Variants in NOMO2 observed in about 807,000 individuals in gnomAD.
The protein encoded by NOMO2 is NODAL modulator 2, also known as BOS complex subunit NOMO2.
In NOMO2, 14 loss-of-function variants were observed where a neutral mutation model predicts 67.1. That is an observed-to-expected ratio of 0.21 (90% CI 0.14 to 0.33). The LOEUF (loss-of-function observed/expected upper bound fraction) is 0.33, where lower values mean the gene tolerates loss of function less well. NOMO2 is among the 10% of genes least tolerant of loss of function. The probability of loss-of-function intolerance (pLI) is 1.00; values close to 1 mark genes in which losing one functional copy is unlikely to be tolerated. For missense variants in NOMO2, 178 were observed against 761.0 expected, an observed-to-expected ratio of 0.23 and a Z score of 9.01; for synonymous variants, 80 against 305.9, an observed-to-expected ratio of 0.26 and a Z score of 7.71.
chr16:18,548,416 A>C (rs976338757), intron 5 of NOMO2, among the ~76,000 whole-genome samples: 2 of 151,434 alleles, frequency 1.3e-5, no homozygotes, highest in Non-Finnish European at 2.9e-5. Context: ...ACTTACTGAC[A>C]GACTCATTAT....
At chr16:18,525,159 G>A (rs1264413795) in intron 16 of NOMO2, among the ~76,000 whole-genome samples, 1 of 148,162 alleles carries the variant, frequency 6.7e-6, no homozygotes, top group African/African-American at 2.5e-5. Flanking sequence ...ACAAAAACCT[G>A]AAATTAGCTA....
intron 13 of NOMO2, 79 bp downstream of exon 13, chr16:18,531,387 A>G: frequency 6.8e-6 from 11 of 1,611,750 alleles, no homozygotes; most frequent in Non-Finnish European, 9.3e-6. Flanking sequence ...CAAAGGCAAA[A>G]GGAAAAGTTT....
intron 11 of NOMO2, among the ~76,000 whole-genome samples, chr16:18,534,977 C>A (rs1178560103): frequency 4.1e-4 from 15 of 36,486 alleles, no homozygotes; most frequent in African/African-American, 1.0e-3. Context: ...AATCTATTTT[C>A]ACAGTCATTT....
At chr16:18,535,940 G>A (rs556056700) in intron 11 of NOMO2, among the ~76,000 whole-genome samples, 1 of 152,052 alleles carries the variant, frequency 6.6e-6, no homozygotes, top group Non-Finnish European at 1.5e-5. Context: ...GGGATTACAG[G>A]AACGCATCAC....
At chr16:18,531,212 G>A (rs1257138172) in intron 13 of NOMO2, 44 bp from the exon 14 acceptor site, 1 of 663,918 alleles carries the variant, frequency 1.5e-6, no homozygotes, top group African/African-American at 1.8e-5. Context: ...CCCTTATAAG[G>A]CTTCAGCACA....
intron 1 of NOMO2, among the ~76,000 whole-genome samples, chr16:18,560,365 G>C (rs1449540300): frequency 2.0e-5 from 3 of 151,226 alleles, no homozygotes; most frequent in South Asian, 4.2e-4. Context: ...AGGGTGGAGG[G>C]GGGTGCCTGT....
intron 1 of NOMO2, chr16:18,558,575 C>G (rs1409086330): frequency 5.2e-6 from 1 of 192,526 alleles, no homozygotes; most frequent in East Asian, 1.1e-4. Flanking sequence ...CAACATTCAT[C>G]TAGAAACTTA....
intron 6 of NOMO2, among the ~76,000 whole-genome samples, chr16:18,545,049 C>T (rs9302536): frequency 1 from 124,800 of 124,902 alleles, 62,350 homozygotes; most frequent in Non-Finnish European, 1. Context: ...ATGTAAACCT[C>T]AAAATCTCTT....
At chr16:18,533,873 C>T (rs1321549815) in intron 11 of NOMO2, 1 of 151,560 alleles carries the variant, frequency 6.6e-6, no homozygotes, top group Admixed American at 6.6e-5. Context: ...ACACGAGAGG[C>T]CCCCCTACAA....
Position 18,561,876 on chromosome 16 carries a change from C to T in NOMO2, c.165G>A (p.Glu55=), listed in dbSNP as rs1358552318. Residue 55 remains glutamate (E), a splice_region_variant and synonymous_variant, in exon 1 of 31, where the codon GAG becomes GAA. Transcript: ENST00000622306. The part of the protein sequence containing the change: ...SDVEINYSLI[E]IKLYTKHGTL... ...GCCGGGCGGCGGGGCGGGCGCTCAC[C>T]TCGATGAGCGAGTAGTTGATCTCCA... 1 of 1,555,990 alleles carries T rather than the reference C, an allele frequency of 6.4e-7. No homozygotes were observed. Among genetic ancestry groups the T allele is most frequent in the Non-Finnish European group, 8.7e-7 (1 of 1,152,502 alleles).
chr16:18,550,540 A>G (rs1023029980), intron 4 of NOMO2, among the ~76,000 whole-genome samples: 6 of 151,940 alleles, frequency 3.9e-5, no homozygotes, highest in African/African-American at 1.2e-4. Flanking sequence ...GAAGTCCATC[A>G]TGAAGAGAAG....
chr16:18,557,112 G>A (rs983204558), intron 2 of NOMO2, among the ~76,000 whole-genome samples: 4 of 151,798 alleles, frequency 2.6e-5, no homozygotes, highest in African/African-American at 4.8e-5. Flanking sequence ...GGGCGACAGA[G>A]CGAGACTCCA....
In NOMO2 at chr16:18,526,166, A is replaced by G. The variant is rs557937763; in HGVS notation, c.1894+1371T>C. Among the ~76,000 whole-genome samples, 240 of 152,076 alleles carry G rather than the reference A, an allele frequency of 1.6e-3. 2 individuals carry two copies. Among genetic ancestry groups the G allele is most frequent in the Admixed American group, 8.7e-3 (133 of 15,268 alleles). On this transcript the variant is annotated intron_variant, in intron 16 of 30. Coordinates refer to ENST00000622306, the MANE Select transcript of NOMO2 (RefSeq NM_173614.4). ...TTGTATTTTATCTTGGGAACCAAACAGAGGAGCCACTGAATTATTCATTAG... is the reference window on the plus strand; with the variant it reads ...TTGTATTTTATCTTGGGAACCAAACGGAGGAGCCACTGAATTATTCATTAG...
chr16:18,548,901 ATGAAGACCCACTAAGCCCCAGGCCT>A (rs1901712004), intron 5 of NOMO2, among the ~76,000 whole-genome samples: 1 of 143,386 alleles, frequency 7.0e-6, no homozygotes, highest in East Asian at 2.0e-4. Flanking sequence ...GAGCTGCTAA[ATGAAGACCCACTAAGCCCCAGGCCT>A]TGAAGCAGGT....
At chr16:18,520,400 A>ATCCATCCC (rs1901032100) in intron 20 of NOMO2, among the ~76,000 whole-genome samples, 197 bp downstream of exon 20, 1 of 146,874 alleles carries the variant, frequency 6.8e-6, no homozygotes, top group Admixed American at 6.8e-5. Context: ...CCATCCATCC[A>ATCCATCCC]TCCATCCAAC....
chr16:18,535,234 T>C (rs1433720212), intron 11 of NOMO2, among the ~76,000 whole-genome samples: 1 of 148,346 alleles, frequency 6.7e-6, no homozygotes, highest in Non-Finnish European at 1.5e-5. Context: ...GGAGAATCAC[T>C]TGAACCCGAG....
intron 2 of NOMO2, among the ~76,000 whole-genome samples, chr16:18,556,432 G>C (rs112524748): frequency 1.7e-3 from 253 of 148,590 alleles, no homozygotes; most frequent in African/African-American, 5.1e-3. Flanking sequence ...GACAGAGTGA[G>C]ACTCTGTCTC....
chr16:18,557,221 A>C (rs1901928176), intron 2 of NOMO2, among the ~76,000 whole-genome samples: 1 of 152,010 alleles, frequency 6.6e-6, no homozygotes, highest in Non-Finnish European at 1.5e-5. Flanking sequence ...AAAGGGTACA[A>C]ATTTATTTCA....
rs1408307015 is a variant in NOMO2, at chr16:18,528,374, G to A, written c.1807-750C>T. ...ACTTATTATGAACCGGATATTAATC[G>A]ATCTCCTATAACAAATCGACCTGTC... On this transcript the variant is annotated intron_variant, in intron 15 of 30. Coordinates refer to ENST00000622306, the MANE Select transcript of NOMO2 (RefSeq NM_173614.4). 7.9e-5 allele frequency among the ~76,000 whole-genome samples: 12 copies of A among 151,748 alleles called. No homozygotes were observed. The South Asian group carries it at 8.4e-4, about 11-fold the overall frequency.
Sources: gnomAD v4.1 joint callset for allele counts (sites outside exome capture counted in the v4.1 genomes callset) on GRCh38, gnomAD v4.1.1 for gene constraint, MANE v1.5 for transcripts, NCBI Gene and HGNC (gene_info 2026-07-23, HGNC 2026-07-21) for gene names.